Variants in PTPRA observed in about 807,000 individuals in gnomAD.
PTPRA encodes protein tyrosine phosphatase receptor type A, also known as receptor-type tyrosine-protein phosphatase alpha.
In PTPRA, 25 loss-of-function variants were observed where a neutral mutation model predicts 104.8. The observed-to-expected ratio is 0.24, with a 90% CI of 0.17 to 0.33. The LOEUF (loss-of-function observed/expected upper bound fraction) is 0.33. Ranked by LOEUF, PTPRA falls within the 10% of genes least tolerant of loss-of-function variation. PTPRA has a pLI of 1.00. For missense variants in PTPRA, 765 were observed against 1,015.3 expected (o/e 0.75, Z 3.35); for synonymous variants, 323 against 368.9 (o/e 0.88, Z 1.43).
intron 2 of PTPRA, among the ~76,000 whole-genome samples, chr20:2,943,350 G>A (rs750429479): frequency 2.0e-5 from 3 of 152,012 alleles, no homozygotes; most frequent in Non-Finnish European, 4.4e-5. Flanking sequence ...AGGCTAGCAG[G>A]CTGGAGACCC....
chr20:3,027,602 A>G (rs1042086768), intron 19 of PTPRA, 105 bp from the exon 20 acceptor site: 3 of 1,436,204 alleles, frequency 2.1e-6, no homozygotes, highest in Non-Finnish European at 2.8e-6. Flanking sequence ...GCATGGGCTG[A>G]GTTTGCCTCC....
chr20:2,984,766 C>T (rs1401904793), intron 6 of PTPRA, among the ~76,000 whole-genome samples: 4 of 152,174 alleles, frequency 2.6e-5, no homozygotes, highest in Admixed American at 2.6e-4. Context: ...TTTCTTGAAC[C>T]TGCCAAGCTC....
At chr20:2,986,876 C>G in intron 7 of PTPRA, 27 bp downstream of exon 7, 1 of 1,560,836 alleles carries the variant, frequency 6.4e-7, no homozygotes, top group East Asian at 2.2e-5. Flanking sequence ...TTCACATTCT[C>G]TTAGATTCTG....
chr20:3,026,568 T>A, intron 17 of PTPRA, 119 bp from the exon 18 acceptor site: 1 of 719,630 alleles, frequency 1.4e-6, no homozygotes, highest in Non-Finnish European at 2.4e-6. Context: ...GTCAGGGCCC[T>A]GGTGAGAAGA....
intron 6 of PTPRA, among the ~76,000 whole-genome samples, chr20:2,980,419 T>A (rs1242661530): frequency 2.0e-5 from 3 of 151,746 alleles, no homozygotes; most frequent in Non-Finnish European, 4.4e-5. Context: ...AATACAAAAC[T>A]TAGCCAGGCC....
chr20:2,991,598 A>AGGGT, intron 9 of PTPRA, among the ~76,000 whole-genome samples: 1 of 152,314 alleles, frequency 6.6e-6, no homozygotes, highest in South Asian at 2.1e-4. Context: ...TTTGGAGGTA[A>AGGGT]TATTCCCTGA....
intron 1 of PTPRA, among the ~76,000 whole-genome samples, chr20:2,914,431 T>A (rs1456936464): frequency 6.8e-6 from 1 of 147,996 alleles, no homozygotes; most frequent in Non-Finnish European, 1.5e-5. Context: ...AGACTCATTT[T>A]TTTATTTCTT....
At chr20:2,929,773 C>T (rs2147487691) in intron 2 of PTPRA, among the ~76,000 whole-genome samples, 1 of 152,174 alleles carries the variant, frequency 6.6e-6, no homozygotes, top group African/African-American at 2.4e-5. Context: ...TGCAGTAAGC[C>T]ATGTTTGCAC....
intron 20 of PTPRA, among the ~76,000 whole-genome samples, chr20:3,030,529 A>G (rs561059): frequency 0.59 from 89,711 of 151,894 alleles, 27,608 homozygotes; most frequent in East Asian, 0.8. Context: ...TGATGCAATG[A>G]AAGGTGCCTA....
At chr20:3,034,271 AAAAG>A (rs1177850190) in intron 20 of PTPRA, among the ~76,000 whole-genome samples, 1 of 151,496 alleles carries the variant, frequency 6.6e-6, no homozygotes, top group East Asian at 1.9e-4. Context: ...ACTCTCTCAA[AAAAG>A]AAAAAAAAAA....
chr20:2,953,814 G>C (rs938977890), intron 3 of PTPRA, among the ~76,000 whole-genome samples: 2 of 151,780 alleles, frequency 1.3e-5, no homozygotes, highest in South Asian at 2.1e-4. Flanking sequence ...CACTGTGTTG[G>C]CCAGGCTGGT....
intron 1 of PTPRA, among the ~76,000 whole-genome samples, chr20:2,897,707 C>G (rs1337128621): frequency 1.1e-4 from 16 of 152,006 alleles, no homozygotes; most frequent in Non-Finnish European, 1.5e-5. Flanking sequence ...CTATTTCACT[C>G]TAAGGAAAAG....
intron 1 of PTPRA, among the ~76,000 whole-genome samples, chr20:2,901,399 A>G (rs184260956): frequency 7.4e-4 from 112 of 152,244 alleles, no homozygotes; most frequent in Non-Finnish European, 1.3e-3. Flanking sequence ...ATGTACAATA[A>G]TGTATTTTTA....
At chr20:2,954,057 G>A (rs935819893) in intron 3 of PTPRA, among the ~76,000 whole-genome samples, 14 of 148,018 alleles carry the variant, frequency 9.5e-5, no homozygotes, top group Non-Finnish European at 2.1e-4. Flanking sequence ...CTACAGGCAT[G>A]TGCCACCATA....
chr20:2,881,999 G>A (rs994750640), intron 1 of PTPRA, among the ~76,000 whole-genome samples: 1 of 151,868 alleles, frequency 6.6e-6, no homozygotes, highest in Non-Finnish European at 1.5e-5. Context: ...GACTGTTTCA[G>A]GGGAAAAAAA....
At chr20:2,885,771 A>G (rs186774792) in intron 1 of PTPRA, among the ~76,000 whole-genome samples, 1 of 152,224 alleles carries the variant, frequency 6.6e-6, no homozygotes, top group South Asian at 2.1e-4. Context: ...GCTACAGATT[A>G]AAAAAGACTT....
At chr20:2,892,995 G>A (rs1466953661) in intron 1 of PTPRA, among the ~76,000 whole-genome samples, 3 of 152,172 alleles carry the variant, frequency 2.0e-5, no homozygotes, top group African/African-American at 4.8e-5. Flanking sequence ...AGATTTGAAG[G>A]AATTTCACTG....
At position 2,964,843 on chromosome 20, in the gene PTPRA, GT is replaced by G; in HGVS notation, c.74-12del. ...CACATTCTTCATGTGCTATTTCCTT[GT>G]TTTTTGGTGTTTGTAGTTGCACCTT... is the stretch of plus-strand genomic sequence containing the variant. On this transcript the variant is annotated splice_polypyrimidine_tract_variant and intron_variant, in intron 4 of 23. Coordinates refer to ENST00000399903, the MANE Select transcript of PTPRA (RefSeq NM_001385305.1). 1.9e-6 allele frequency: 3 copies of G among 1,581,890 alleles called. No homozygotes were observed. The highest frequency in any genetic ancestry group is 2.6e-6 in the Non-Finnish European group (3 of 1,153,346).
At chr20:2,991,562 T>G (rs1334931596) in intron 9 of PTPRA, among the ~76,000 whole-genome samples, 1 of 152,206 alleles carries the variant, frequency 6.6e-6, no homozygotes, top group Admixed American at 6.5e-5. Flanking sequence ...ACATTAAATT[T>G]ACATAAGCAT....
Sources: allele counts gnomAD v4.1 joint callset (sites outside exome capture counted in the v4.1 genomes callset), GRCh38; gene constraint gnomAD v4.1.1; transcripts MANE v1.5; gene names NCBI Gene and HGNC (gene_info 2026-07-23, HGNC 2026-07-21).